The following HPGDS variants were observed in gnomAD, a reference collection of about 807,000 sequenced individuals.
HPGDS encodes hematopoietic prostaglandin D synthase.
Under a neutral mutation model 23.1 loss-of-function variants are expected in HPGDS, and 26 were observed. That is an observed-to-expected ratio of 1.13 (90% CI 0.83 to 1.56). HPGDS has a LOEUF of 1.56. Ranked by LOEUF, HPGDS falls within the 40% of genes most tolerant of loss-of-function variation. The pLI, the probability that HPGDS is intolerant of heterozygous loss-of-function variation, is 0.00. For missense variants in HPGDS, 268 were observed against 236.4 expected (o/e 1.13, Z -0.88); for synonymous variants, 95 against 77.9 (o/e 1.22, Z -1.16).
intron 4 of HPGDS, 55 bp from the exon 5 acceptor site, chr4:94,302,299 T>C (rs983698594): frequency 8.3e-7 from 1 of 1,205,752 alleles, no homozygotes; most frequent in African/African-American, 1.5e-5. Context: ...AGTAACATGA[T>C]CTGAGGAGGA....
chr4:94,313,484 G>C (rs1375473659), intron 3 of HPGDS, among the ~76,000 whole-genome samples: 1 of 149,932 alleles, frequency 6.7e-6, no homozygotes, highest in Non-Finnish European at 1.5e-5. Context: ...CTTCTGGCTT[G>C]TAGAGTTTCT....
At chr4:94,324,088 C>T (rs1018413282) in intron 2 of HPGDS, among the ~76,000 whole-genome samples, 6 of 152,270 alleles carry the variant, frequency 3.9e-5, no homozygotes, top group South Asian at 4.1e-4. Context: ...AATATTGGCC[C>T]CCACTCTCTT....
rs190836950 is a variant in HPGDS, at chr4:94,307,585, G to A, written c.336+1049C>T. On this transcript the variant is annotated intron_variant, in intron 4 of 5. Transcript: ENST00000295256. Reference sequence around the variant, plus strand: ...ATAGAATGGCATCACTGGAATAACAGCAAAGGGAATTCCAATGATGACAGC... The same window carrying A: ...ATAGAATGGCATCACTGGAATAACAACAAAGGGAATTCCAATGATGACAGC... Among the ~76,000 whole-genome samples the A allele has an allele frequency of 7.9e-5, 12 of 152,242 alleles. No homozygotes were observed. The East Asian group carries it at 2.1e-3, about 27-fold the overall frequency.
intron 5 of HPGDS, 88 bp from the exon 6 acceptor site, chr4:94,299,732 A>G: frequency 1.7e-6 from 2 of 1,199,702 alleles, no homozygotes; most frequent in Non-Finnish European, 2.4e-6. Flanking sequence ...TCTTAATCTA[A>G]AAGATTCAAA....
At chr4:94,308,287 C>G (rs1228400697) in intron 4 of HPGDS, among the ~76,000 whole-genome samples, 1 of 152,060 alleles carries the variant, frequency 6.6e-6, no homozygotes, top group African/African-American at 2.4e-5. Context: ...GGACTTCAGA[C>G]TTTCAGGTTA....
At chr4:94,313,798 T>C (rs1300851956) in intron 3 of HPGDS, among the ~76,000 whole-genome samples, 2 of 152,228 alleles carry the variant, frequency 1.3e-5, no homozygotes, top group African/African-American at 2.4e-5. Flanking sequence ...ATTTGGTCTT[T>C]TCACATAGTC....
chr4:94,319,768 T>A (rs1198190427), intron 2 of HPGDS, among the ~76,000 whole-genome samples: 1 of 152,196 alleles, frequency 6.6e-6, no homozygotes, highest in Non-Finnish European at 1.5e-5. Flanking sequence ...TTCTCCCTCA[T>A]TTTTGTATTA....
At chr4:94,326,565 TATA>T (rs1177193390) in intron 2 of HPGDS, among the ~76,000 whole-genome samples, 3 of 152,162 alleles carry the variant, frequency 2.0e-5, no homozygotes, top group Non-Finnish European at 4.4e-5. Flanking sequence ...GGATTTTTTT[TATA>T]ATATCTATCT....
chr4:94,306,463 G>C (rs965883126), intron 4 of HPGDS, among the ~76,000 whole-genome samples: 7 of 152,070 alleles, frequency 4.6e-5, no homozygotes, highest in African/African-American at 1.4e-4. Context: ...AAGCAGATGG[G>C]TGAATGGCAC....
In HPGDS at chr4:94,302,223, G is replaced by T; in HGVS notation, c.358C>A (p.Leu120Ile). Reference sequence around the variant, plus strand: ...ATAAGATGAGGCGCATTATACGTGAGCAGCTCATTGAACATCTGCTCCTAG... The same window carrying T: ...ATAAGATGAGGCGCATTATACGTGATCAGCTCATTGAACATCTGCTCCTAG... ...DVKEQMFNEL[L>I]TYNAPHLMQD... The change falls in exon 5 of 6, where the codon CTC (leucine) becomes ATC (isoleucine). Residue 120 changes from leucine (L) to isoleucine (I), a missense_variant. By Grantham distance (5) the Leu-to-Ile change is conservative (BLOSUM62 2). Coordinates refer to ENST00000295256, the MANE Select transcript of HPGDS (RefSeq NM_014485.3). The T allele has an allele frequency of 6.2e-7, 1 of 1,611,684 alleles. No individual in the cohort carries two copies. Among genetic ancestry groups the T allele is most frequent in the Non-Finnish European group, 8.5e-7 (1 of 1,178,398 alleles).
At chr4:94,319,169 T>C (rs1756454570) in intron 2 of HPGDS, among the ~76,000 whole-genome samples, 1 of 152,220 alleles carries the variant, frequency 6.6e-6, no homozygotes, top group East Asian at 1.9e-4. Context: ...AGAATCTATC[T>C]CTAACTTCAG....
At chr4:94,318,905 G>T (rs998411409) in intron 2 of HPGDS, among the ~76,000 whole-genome samples, 2 of 152,088 alleles carry the variant, frequency 1.3e-5, no homozygotes, top group Admixed American at 1.3e-4. Flanking sequence ...TAGAGATGGG[G>T]TTTTGCTATG....
chr4:94,316,460 A>AT (rs61332924), intron 3 of HPGDS, among the ~76,000 whole-genome samples: 1 of 151,840 alleles, frequency 6.6e-6, no homozygotes, highest in Non-Finnish European at 1.5e-5. Flanking sequence ...GCTTCCCTGC[A>AT]GTAGCCACAA....
intron 1 of HPGDS, among the ~76,000 whole-genome samples, chr4:94,334,990 C>T (rs1299910803): frequency 6.6e-6 from 1 of 152,200 alleles, no homozygotes; most frequent in South Asian, 2.1e-4. Flanking sequence ...CTTTTAGTCA[C>T]TGGTAATGTG....
chr4:94,305,441 C>A (rs969477702), intron 4 of HPGDS, among the ~76,000 whole-genome samples: 2 of 151,860 alleles, frequency 1.3e-5, no homozygotes, highest in African/African-American at 2.4e-5. Flanking sequence ...CTTTTGTGTC[C>A]GGATATCTCT....
rs1430423625 is a variant in HPGDS, at chr4:94,315,315, C to T, written c.226+2558G>A. Among the ~76,000 whole-genome samples the T allele has an allele frequency of 3.9e-5, 6 of 152,150 alleles. No individual in the cohort carries two copies. The East Asian group carries it at 9.6e-4, about 24-fold the overall frequency. On this transcript the variant is annotated intron_variant, in intron 3 of 5. Transcript: ENST00000295256. Reference sequence around the variant, plus strand: ...CCACAATTTATTTAACTAGCCTCAACTGATTAGGTTTATTTCCAGTCTTTT... The same window carrying T: ...CCACAATTTATTTAACTAGCCTCAATTGATTAGGTTTATTTCCAGTCTTTT...
intron 2 of HPGDS, among the ~76,000 whole-genome samples, chr4:94,330,983 A>T (rs1376975430): frequency 6.6e-6 from 1 of 152,238 alleles, no homozygotes; most frequent in African/African-American, 2.4e-5. Context: ...TTATAGACAA[A>T]AAAAGTAAAG....
At chr4:94,311,254 T>C (rs561417400) in intron 3 of HPGDS, among the ~76,000 whole-genome samples, 3 of 152,068 alleles carry the variant, frequency 2.0e-5, no homozygotes, top group African/African-American at 7.3e-5. Context: ...GCCCATTCAG[T>C]ATGATATTGG....
intron 2 of HPGDS, among the ~76,000 whole-genome samples, chr4:94,321,490 G>T (rs1426114247): frequency 1.3e-5 from 2 of 152,166 alleles, no homozygotes; most frequent in Non-Finnish European, 2.9e-5. Context: ...TCCCTTTTAA[G>T]TTGGATTCCT....
Sources: gnomAD v4.1 joint callset for allele counts (sites outside exome capture counted in the v4.1 genomes callset) on GRCh38, gnomAD v4.1.1 for gene constraint, MANE v1.5 for transcripts, NCBI Gene and HGNC (gene_info 2026-07-23, HGNC 2026-07-21) for gene names.